The following TFAM variants were observed in gnomAD, a reference collection of about 807,000 sequenced individuals.
The protein encoded by TFAM is transcription factor A, mitochondrial.
In TFAM, 13 loss-of-function variants were observed where a neutral mutation model predicts 30.6. The ratio of observed to expected loss-of-function variants is 0.42; its 90% CI spans 0.28 to 0.67. The LOEUF is 0.67. Ranked by LOEUF, TFAM falls within the 30% of genes least tolerant of loss-of-function variation. The pLI is 0.21. For synonymous variants in TFAM, 106 were observed against 94.8 expected (o/e 1.12, Z -0.69); for missense variants, 231 against 293.7 (o/e 0.79, Z 1.56).
rs192998365 is a variant in TFAM at position 58,396,489 on chromosome 10, G to A, written c.*1415G>A. 6.6e-6 allele frequency: 1 copy of A among 152,220 alleles called. No individual in the cohort carries two copies. The highest frequency in any genetic ancestry group is 1.5e-5 in the Non-Finnish European group (1 of 68,004). The allele number at this position is 152,220 out of a possible 1,614,324, so 9.4% of individuals were successfully genotyped here. On this transcript the variant is annotated 3_prime_UTR_variant, in exon 7 of 7. Transcript: ENST00000487519. Reference sequence around the variant, plus strand: ...ATAATGAAAAAGATCCATATACTGTGGAATGATATTCTTTTAAAATTATTT... The same window carrying A: ...ATAATGAAAAAGATCCATATACTGTAGAATGATATTCTTTTAAAATTATTT...
chr10:58,396,582 G>C lies in TFAM; in HGVS notation c.*1508G>C, dbSNP rs1023822358. ...CACAAGAACCTCACTGTAGTTGAAA[G>C]CCATCTTTCTTTAGTATTTGTTTAT... On this transcript the variant is annotated 3_prime_UTR_variant, in exon 7 of 7. Coordinates refer to ENST00000487519, the MANE Select transcript of TFAM (RefSeq NM_003201.3). 1 of 152,178 alleles carries C rather than the reference G, an allele frequency of 6.6e-6. No individual in the cohort carries two copies. Among genetic ancestry groups the C allele is most frequent in the African/African-American group, 2.4e-5 (1 of 41,442 alleles). 9.4% of individuals were successfully genotyped at this position (152,178 alleles called of 1,614,324 possible).
intron 6 of TFAM, among the ~76,000 whole-genome samples, 193 bp from the exon 7 acceptor site, chr10:58,394,735 A>G (rs748162403): frequency 2.0e-5 from 3 of 152,170 alleles, no homozygotes; most frequent in Non-Finnish European, 2.9e-5. Flanking sequence ...ATAACAGTCT[A>G]TCTCTTACAT....
chr10:58,392,304 A>G (rs1840611654), intron 5 of TFAM, among the ~76,000 whole-genome samples: 1 of 152,188 alleles, frequency 6.6e-6, no homozygotes, highest in African/African-American at 2.4e-5. Flanking sequence ...TCAAAATGTA[A>G]AAATTCCTTT....
chr10:58,386,176 G>C (rs763650237), intron 1 of TFAM, 44 bp from the exon 2 acceptor site: 4 of 1,266,882 alleles, frequency 3.2e-6, no homozygotes, highest in Non-Finnish European at 4.6e-6. Context: ...AATATTGACA[G>C]TTAAACATCT....
In TFAM at chr10:58,398,589, G is replaced by A. The variant is rs1297245147; in HGVS notation, c.*3515G>A. On this transcript the variant is annotated 3_prime_UTR_variant, in exon 7 of 7. Transcript: ENST00000487519. ...TTAGTTTTTACTAATTGCTCTGAAT[G>A]TGTATATTTAGATTTCTGAATTGAA... The A allele has an allele frequency of 1.3e-5, 2 of 151,900 alleles. No homozygotes were observed. Among genetic ancestry groups the A allele is most frequent in the Admixed American group, 1.3e-4 (2 of 15,256 alleles). The allele number at this position is 151,900 out of a possible 1,614,324, so 9.4% of individuals were successfully genotyped here. A position where few individuals can be genotyped will look rare whatever the true frequency, so the allele number is the denominator to read the frequency against.
intron 5 of TFAM, among the ~76,000 whole-genome samples, chr10:58,392,708 C>G (rs1840619211): frequency 6.6e-6 from 1 of 151,632 alleles, no homozygotes; most frequent in Non-Finnish European, 1.5e-5. Flanking sequence ...AGACAGGCAG[C>G]CTGTTATACA....
chr10:58,395,269 T>C lies in TFAM; in HGVS notation c.*195T>C. Reference sequence around the variant, plus strand: ...AACCCAGATAAAGGTTCATGCAAACTTTATTTTGTGTTTAGGAACTACTGA... The same window carrying C: ...AACCCAGATAAAGGTTCATGCAAACCTTATTTTGTGTTTAGGAACTACTGA... On this transcript the variant is annotated 3_prime_UTR_variant, in exon 7 of 7. Coordinates refer to ENST00000487519, the MANE Select transcript of TFAM (RefSeq NM_003201.3). The C allele has an allele frequency of 1.7e-6, 1 of 593,940 alleles. No homozygotes were observed. The highest frequency in any genetic ancestry group is 2.9e-6 in the Non-Finnish European group (1 of 340,118). The allele number at this position is 593,940 out of a possible 1,614,324, so 36.8% of individuals were successfully genotyped here. A position where few individuals can be genotyped will look rare whatever the true frequency, so the allele number is the denominator to read the frequency against.
intron 1 of TFAM, 123 bp from the exon 2 acceptor site, chr10:58,386,097 G>A (rs1840484434): frequency 6.2e-6 from 5 of 800,692 alleles, no homozygotes; most frequent in Non-Finnish European, 1.1e-5. Context: ...TAGCATTCTT[G>A]TTGAAGGCGT....
At position 58,395,073 on chromosome 10, in the gene TFAM, A is replaced by G. The variant is rs1232994547; in HGVS notation, c.740A>G (p.Ter247=). The G allele has an allele frequency of 1.2e-6, 2 of 1,613,356 alleles. No individual in the cohort carries two copies. ...CGAAAATATGGTGCTGAGGAGTGTT[A>G]AAAGTAGAAGATTGAGATGTGTTCA... ...KQRKYGAEEC[*] is the part of the protein sequence containing the mutation. Residue 247 remains the stop codon, a stop_retained_variant, in exon 7 of 7, where the codon TAA becomes TGA. Transcript: ENST00000487519.
At chr10:58,392,838 C>A (rs1443065269) in intron 5 of TFAM, among the ~76,000 whole-genome samples, 1 of 151,988 alleles carries the variant, frequency 6.6e-6, no homozygotes, top group Admixed American at 6.6e-5. Context: ...CCAAGCCTGG[C>A]TAATTTTTTG....
intron 3 of TFAM, 85 bp from the exon 4 acceptor site, chr10:58,388,585 G>C (rs1251761763): frequency 2.8e-6 from 4 of 1,421,932 alleles, no homozygotes. Flanking sequence ...TCTGTCTGAA[G>C]TCATGCAGTT....
chr10:58,395,210 A>G lies in TFAM; in HGVS notation c.*136A>G, dbSNP rs1243884797. 7.7e-6 allele frequency: 7 copies of G among 908,012 alleles called. No individual in the cohort carries two copies. Among genetic ancestry groups the G allele is most frequent in the Non-Finnish European group, 1.2e-5 (7 of 580,360 alleles). The allele number at this position is 908,012 out of a possible 1,614,324, so 56.2% of individuals were successfully genotyped here. On this transcript the variant is annotated 3_prime_UTR_variant, in exon 7 of 7. Coordinates refer to ENST00000487519, the MANE Select transcript of TFAM (RefSeq NM_003201.3). ...TATTTAGTATCTTTTTATTCAGCTC[A>G]TGGACTTCTGCCAGCATAATACTTG...
intron 2 of TFAM, among the ~76,000 whole-genome samples, chr10:58,387,249 C>A (rs980779036): frequency 1.3e-5 from 2 of 151,832 alleles, no homozygotes; most frequent in Non-Finnish European, 2.9e-5. Context: ...GGTGACAGAG[C>A]GAGACCCTGT....
In TFAM at chr10:58,394,959, C is replaced by G; in HGVS notation, c.626C>G (p.Thr209Ser). ...ATTCAGCATGCTAAAGAGGACGAAA[C>G]TCGTTATCATAATGAAATGAAGTCT... is the stretch of plus-strand genomic sequence containing the variant. ...LYIQHAKEDETRYHNEMKSWE... is the reference protein window; with the variant it reads ...LYIQHAKEDESRYHNEMKSWE... Residue 209 changes from threonine to serine, a missense_variant, in exon 7 of 7, where the codon ACT becomes AGT. By Grantham distance (58) the Thr-to-Ser change is moderately conservative. Coordinates refer to ENST00000487519, the MANE Select transcript of TFAM (RefSeq NM_003201.3). 6.2e-7 allele frequency: 1 copy of G among 1,613,588 alleles called. No homozygotes were observed. The highest frequency in any genetic ancestry group is 8.5e-7 in the Non-Finnish European group (1 of 1,179,700).
In TFAM at chr10:58,395,693, T is replaced by C. The variant is rs916302109; in HGVS notation, c.*619T>C. 1 of 299,502 alleles carries C rather than the reference T, an allele frequency of 3.3e-6. No individual in the cohort carries two copies. The highest frequency in any genetic ancestry group is 2.1e-5 in the African/African-American group (1 of 46,864). 18.6% of individuals were successfully genotyped at this position (299,502 alleles called of 1,614,324 possible). On this transcript the variant is annotated 3_prime_UTR_variant, in exon 7 of 7. Transcript: ENST00000487519. ...ACAAAGAAATTATGTGCCAGATTTA[T>C]GCATATTATTTTATGTTGCATAGAA...
At chr10:58,388,086 A>G (rs574459513) in intron 2 of TFAM, 104 bp from the exon 3 acceptor site, 20 of 828,634 alleles carry the variant, frequency 2.4e-5, no homozygotes, top group East Asian at 2.0e-4. Context: ...AAATCATTAT[A>G]TTAAGTTATG....
Position 58,385,460 on chromosome 10 carries a change from G to A in TFAM, c.-88G>A, listed in dbSNP as rs1840464605. On this transcript the variant is annotated 5_prime_UTR_variant, in exon 1 of 7. Transcript: ENST00000487519. ...GATAACACACGCCGGAGGGTCGCAC[G>A]CGGGTTCCAGTTGTGATTGCTGGAG... 4 of 996,252 alleles carry A rather than the reference G, an allele frequency of 4.0e-6. No homozygotes were observed. Among genetic ancestry groups the A allele is most frequent in the Non-Finnish European group, 6.2e-6 (4 of 645,896 alleles). The allele number at this position is 996,252 out of a possible 1,614,324, so 61.7% of individuals were successfully genotyped here. A position where few individuals can be genotyped will look rare whatever the true frequency, so the allele number is the denominator to read the frequency against.
rs1840741621 is a variant in TFAM at position 58,399,079 on chromosome 10, T to G, written c.*4005T>G. 6.7e-6 allele frequency: 1 copy of G among 149,388 alleles called. No individual in the cohort carries two copies. The highest frequency in any genetic ancestry group is 2.4e-5 in the African/African-American group (1 of 41,312). 9.3% of individuals were successfully genotyped at this position (149,388 alleles called of 1,614,324 possible). On this transcript the variant is annotated 3_prime_UTR_variant, in exon 7 of 7. Transcript: ENST00000487519. ...GACTTTTGTTAATTGATTAAATCACTTACTATATTCGATATGAAATATATA... is the reference window on the plus strand; with the variant it reads ...GACTTTTGTTAATTGATTAAATCACGTACTATATTCGATATGAAATATATA...
intron 5 of TFAM, among the ~76,000 whole-genome samples, chr10:58,391,810 A>G (rs1840603714): frequency 6.6e-6 from 1 of 151,840 alleles, no homozygotes; most frequent in Admixed American, 6.6e-5. Flanking sequence ...GCACCAACCT[A>G]ATAGTATTAT....
Sources: gnomAD v4.1 joint callset for allele counts (sites outside exome capture counted in the v4.1 genomes callset) on GRCh38, gnomAD v4.1.1 for gene constraint, MANE v1.5 for transcripts, NCBI Gene and HGNC (gene_info 2026-07-23, HGNC 2026-07-21) for gene names.